Variants in LSAMP observed in about 807,000 individuals in gnomAD.
LSAMP encodes limbic system associated membrane protein, also known as limbic system-associated membrane protein.
In LSAMP, 7 loss-of-function variants were observed where a neutral mutation model predicts 38.6. The ratio of observed to expected loss-of-function variants is 0.18; its 90% CI spans 0.10 to 0.34. The LOEUF (loss-of-function observed/expected upper bound fraction) is 0.34, where lower values mean the gene tolerates loss of function less well. Ranked by LOEUF, LSAMP falls within the 10% of genes least tolerant of loss-of-function variation. The pLI, the probability that LSAMP is intolerant of heterozygous loss-of-function variation, is 1.00. For missense variants in LSAMP, 313 were observed against 420.0 expected (o/e 0.75, Z 2.23); for synonymous variants, 154 against 166.8 (o/e 0.92, Z 0.59).
chr3:115,991,358 T>C (rs1307831437), intron 3 of LSAMP, among the ~76,000 whole-genome samples: 2 of 152,058 alleles, frequency 1.3e-5, no homozygotes, highest in African/African-American at 4.8e-5. Context: ...AAAATAGGGA[T>C]AGTCATACAT....
chr3:116,106,366 T>C (rs575181604), intron 1 of LSAMP, among the ~76,000 whole-genome samples: 2 of 152,016 alleles, frequency 1.3e-5, no homozygotes, highest in South Asian at 4.2e-4. Flanking sequence ...GGATGACAAG[T>C]TTTTTTTGGG....
chr3:116,262,851 A>G (rs1031351046), intron 1 of LSAMP, among the ~76,000 whole-genome samples: 1 of 152,222 alleles, frequency 6.6e-6, no homozygotes, highest in African/African-American at 2.4e-5. Context: ...CATAACTTGC[A>G]ATTTTCTGCA....
intron 1 of LSAMP, among the ~76,000 whole-genome samples, chr3:116,129,225 G>A (rs1709072851): frequency 6.6e-6 from 1 of 152,142 alleles, no homozygotes; most frequent in Non-Finnish European, 1.5e-5. Flanking sequence ...GGTGCACAAT[G>A]TAATTAGAAA....
chr3:116,353,855 T>C (rs2048182883), intron 1 of LSAMP, among the ~76,000 whole-genome samples: 1 of 152,138 alleles, frequency 6.6e-6, no homozygotes, highest in Non-Finnish European at 1.5e-5. Context: ...AATAGTCGTT[T>C]GTATGTGTTA....
intron 1 of LSAMP, among the ~76,000 whole-genome samples, chr3:116,119,604 A>G (rs576581210): frequency 6.6e-6 from 1 of 151,970 alleles, no homozygotes; most frequent in South Asian, 2.1e-4. Flanking sequence ...ACAAAAATGG[A>G]TACATAATCA....
chr3:116,164,609 TATATATATATATAATCCAA>T (rs1709988865), intron 1 of LSAMP, among the ~76,000 whole-genome samples: 3 of 134,890 alleles, frequency 2.2e-5, no homozygotes, highest in Non-Finnish European at 3.1e-5. Flanking sequence ...CAAATATATA[TATATATATATATAATCCAA>T]ATATATATAT....
intron 3 of LSAMP, among the ~76,000 whole-genome samples, chr3:115,955,781 G>T (rs1284629944): frequency 6.6e-6 from 1 of 152,154 alleles, no homozygotes; most frequent in Non-Finnish European, 1.5e-5. Context: ...GCTTAGCTGG[G>T]CAGGGAGCTC....
In LSAMP at chr3:115,903,264, A is replaced by G. The variant is rs561563736; in HGVS notation, c.515-50647T>C. Among the ~76,000 whole-genome samples the G allele has an allele frequency of 5.3e-5, 8 of 152,270 alleles. No individual in the cohort carries two copies. The South Asian group carries it at 1.7e-3, about 32-fold the overall frequency. On this transcript the variant is annotated intron_variant, in intron 3 of 6. Transcript: ENST00000490035. The stretch of plus-strand genomic sequence containing the variant: ...ATAAAACCAAATACTGCATGTTCTC[A>G]CTTACACGTGGGAGCTAAATGATGA...
chr3:115,966,528 G>A (rs931810426), intron 3 of LSAMP, among the ~76,000 whole-genome samples: 1 of 152,106 alleles, frequency 6.6e-6, no homozygotes, highest in South Asian at 2.1e-4. Flanking sequence ...TCTGCCTTAA[G>A]TATATGCCTT....
rs758726064 is a variant in LSAMP at position 116,427,109 on chromosome 3, CTTTTTTTTTTTTTT to C, written c.155+17754_155+17767del. 3.8e-3 allele frequency among the ~76,000 whole-genome samples: 360 copies of C among 95,386 alleles called. 12 individuals are homozygous for C. Among genetic ancestry groups the C allele is most frequent in the Non-Finnish European group, 8.2e-4 (39 of 47,538 alleles). The allele number at this position is 95,386 out of a possible 152,430, so 62.6% of individuals were successfully genotyped here. The stretch of plus-strand genomic sequence containing the variant: ...ACCCTTAAGACTCAGCTCTTTCTTT[CTTTTTTTTTTTTTT>C]TTTTTTTTGAGACGGAGTCTCGCTC... On this transcript the variant is annotated intron_variant, in intron 1 of 6. Transcript: ENST00000490035.
intron 6 of LSAMP, among the ~76,000 whole-genome samples, chr3:115,825,096 C>T (rs1335797995): frequency 6.6e-6 from 1 of 152,156 alleles, no homozygotes; most frequent in African/African-American, 2.4e-5. Context: ...ATTCAAATAA[C>T]ATGAAACGAG....
chr3:116,238,139 T>C (rs1375081753), intron 1 of LSAMP, among the ~76,000 whole-genome samples: 1 of 152,196 alleles, frequency 6.6e-6, no homozygotes, highest in African/African-American at 2.4e-5. Flanking sequence ...AAAGGAATGA[T>C]GTATTTACTA....
At chr3:115,897,049 G>C (rs1936746759) in intron 3 of LSAMP, among the ~76,000 whole-genome samples, 1 of 152,026 alleles carries the variant, frequency 6.6e-6, no homozygotes, top group South Asian at 2.1e-4. Context: ...GCTAGCTGAT[G>C]GGGAAGGAAT....
At position 116,288,772 on chromosome 3, in the gene LSAMP, G is replaced by T. The variant is rs188549039; in HGVS notation, c.155+156105C>A. ...GAGAATTTCTTTTGCTACCAAACCA[G>T]CTGGTAGAATGTTTTTCATAAGGGG... On this transcript the variant is annotated intron_variant, in intron 1 of 6. Coordinates refer to ENST00000490035, the MANE Select transcript of LSAMP (RefSeq NM_002338.5). Among the ~76,000 whole-genome samples, 21 of 152,266 alleles carry T rather than the reference G, an allele frequency of 1.4e-4. No individual in the cohort carries two copies. The East Asian group carries it at 3.3e-3, about 24-fold the overall frequency.
intron 1 of LSAMP, among the ~76,000 whole-genome samples, chr3:116,115,067 A>T (rs1194232921): frequency 6.6e-6 from 1 of 152,244 alleles, no homozygotes; most frequent in African/African-American, 2.4e-5. Context: ...GAAACACTTA[A>T]AATGGAATTT....
At chr3:116,212,823 A>T (rs1266161473) in intron 1 of LSAMP, among the ~76,000 whole-genome samples, 1 of 152,204 alleles carries the variant, frequency 6.6e-6, no homozygotes, top group Non-Finnish European at 1.5e-5. Context: ...CTACTTGAGA[A>T]GAATGCTACA....
intron 1 of LSAMP, among the ~76,000 whole-genome samples, chr3:116,368,645 A>G (rs16824815): frequency 0.11 from 17,153 of 152,234 alleles, 1,371 homozygotes; most frequent in African/African-American, 0.23. Flanking sequence ...TCAGTCAAAT[A>G]GGCCAGTTAA....
At chr3:116,086,831 A>G (rs1707999834) in intron 1 of LSAMP, among the ~76,000 whole-genome samples, 1 of 152,162 alleles carries the variant, frequency 6.6e-6, no homozygotes, top group Non-Finnish European at 1.5e-5. Flanking sequence ...TTGACTTCCC[A>G]TTATCTTCTT....
intron 1 of LSAMP, among the ~76,000 whole-genome samples, chr3:116,213,326 T>A (rs1458575366): frequency 6.6e-6 from 1 of 152,166 alleles, no homozygotes; most frequent in Admixed American, 6.5e-5. Context: ...AGTGAATAAG[T>A]CTCATAAGAT....
Sources: allele counts gnomAD v4.1 joint callset (sites outside exome capture counted in the v4.1 genomes callset), GRCh38; gene constraint gnomAD v4.1.1; transcripts MANE v1.5; gene names NCBI Gene and HGNC (gene_info 2026-07-23, HGNC 2026-07-21).